Variants in SFMBT2 observed in about 807,000 individuals in gnomAD.
SFMBT2 encodes the protein scm-like with four MBT domains protein 2.
SFMBT2 carries 38 observed loss-of-function variants against 110.1 expected under a neutral mutation model. The ratio of observed to expected loss-of-function variants is 0.35; its 90% CI spans 0.27 to 0.45. The LOEUF (loss-of-function observed/expected upper bound fraction) is 0.45, where lower values mean the gene tolerates loss of function less well. Ranked by LOEUF, SFMBT2 falls within the 20% of genes least tolerant of loss-of-function variation. The probability of loss-of-function intolerance (pLI) is 1.00; values close to 1 mark genes in which losing one functional copy is unlikely to be tolerated. For missense variants in SFMBT2, 1,011 were observed against 1,094.9 expected, an observed-to-expected ratio of 0.92 and a Z score of 1.08; for synonymous variants, 425 against 425.4, an observed-to-expected ratio of 1.00 and a Z score of 0.01.
rs1267237189 is a variant in SFMBT2 at position 7,172,499 on chromosome 10, C to T, written c.2147G>A (p.Gly716Glu). The stretch of plus-strand genomic sequence containing the variant: ...GGTGCCCCGGGCAGAACATACCTCC[C>T]CCGAGCCCGCGGTGAAGTCCACGGC... ...SSAVDFTAGS[G>E]EESEEEDADA... is the part of the protein sequence containing the mutation. Residue 716 changes from glycine (G) to glutamate (E), a missense_variant, in exon 18 of 21, where the codon GGG (glycine) becomes GAG (glutamate). Physicochemically the swap from Gly to Glu is moderately conservative, Grantham distance 98. Around this residue, in one of 2 missense-constraint regions of SFMBT2, gnomAD observed 979 missense variants for 1,016.1 expected, o/e 0.96. Transcript: ENST00000397167. The surrounding 1 kb of genome is among the most constrained non-coding windows in gnomAD (Gnocchi z 4.6). 2 of 1,613,920 alleles carry T rather than the reference C, an allele frequency of 1.2e-6. No individual in the cohort carries two copies. Among genetic ancestry groups the T allele is most frequent in the Non-Finnish European group, 1.7e-6 (2 of 1,180,040 alleles).
At chr10:7,205,597 T>C in intron 12 of SFMBT2, 1 of 985,452 alleles carries the variant, frequency 1.0e-6, no homozygotes, top group Non-Finnish European at 1.2e-6. Flanking sequence ...TCTCTGTGAC[T>C]TTCAACTGTC....
chr10:7,312,365 G>A (rs533387210), intron 4 of SFMBT2, among the ~76,000 whole-genome samples: 1 of 152,166 alleles, frequency 6.6e-6, no homozygotes, highest in Non-Finnish European at 1.5e-5. Context: ...TGAACAGCAC[G>A]AGCACGTGAT....
Position 7,293,196 on chromosome 10 carries a change from C to A in SFMBT2, c.437-7242G>T, listed in dbSNP as rs1246068494. Reference sequence around the variant, plus strand: ...CCCAAGCAGCTGGGATTACAGGCACCCACCACCATCTCCAGCCTCAGCTTC... The same window carrying A: ...CCCAAGCAGCTGGGATTACAGGCACACACCACCATCTCCAGCCTCAGCTTC... On this transcript the variant is annotated intron_variant, in intron 4 of 20. Coordinates refer to ENST00000397167, the MANE Select transcript of SFMBT2 (RefSeq NM_001387889.1). The surrounding 1 kb of genome is among the most constrained non-coding windows in gnomAD (Gnocchi z 4.6). Among the ~76,000 whole-genome samples, 1 of 151,888 alleles carries A rather than the reference C, an allele frequency of 6.6e-6. No individual in the cohort carries two copies. Among genetic ancestry groups the A allele is most frequent in the Admixed American group, 6.6e-5 (1 of 15,262 alleles).
chr10:7,185,064 C>T (rs1838354339), intron 16 of SFMBT2, among the ~76,000 whole-genome samples: 1 of 152,122 alleles, frequency 6.6e-6, no homozygotes, highest in African/African-American at 2.4e-5. Context: ...TTCCTTCTTG[C>T]CTTTAAGTAA....
chr10:7,168,383 A>AC (rs1460162252), intron 20 of SFMBT2, among the ~76,000 whole-genome samples: 2 of 152,016 alleles, frequency 1.3e-5, no homozygotes, highest in Non-Finnish European at 2.9e-5. Flanking sequence ...GCCTAACTAA[A>AC]TTTTTTTTTA....
intron 4 of SFMBT2, among the ~76,000 whole-genome samples, chr10:7,351,868 T>C (rs1306314932): frequency 7.1e-6 from 1 of 141,430 alleles, no homozygotes; most frequent in East Asian, 1.9e-4. Flanking sequence ...GCCTCTTACC[T>C]GTAAAAAAAA....
intron 1 of SFMBT2, among the ~76,000 whole-genome samples, chr10:7,404,430 T>C (rs909055138): frequency 4.6e-5 from 7 of 152,226 alleles, no homozygotes; most frequent in African/African-American, 1.7e-4. Flanking sequence ...TAAGACATCT[T>C]TTTCTTGGCC....
chr10:7,266,923 G>A (rs902858662), intron 7 of SFMBT2, among the ~76,000 whole-genome samples: 2 of 152,070 alleles, frequency 1.3e-5, no homozygotes, highest in Non-Finnish European at 2.9e-5. Context: ...TCGCCTGCAA[G>A]GGGGGGTCTG....
chr10:7,227,747 T>G, intron 10 of SFMBT2, 108 bp downstream of exon 10: 1 of 876,980 alleles, frequency 1.1e-6, no homozygotes, highest in East Asian at 2.5e-5. Flanking sequence ...AGTTCTCCAG[T>G]GCACTGTAAT....
rs921386466 is a variant in SFMBT2, at chr10:7,361,011, T to C, written c.436+6638A>G. ...CATTTTTTAATAAAATATCTAACTA[T>C]GACTTTTGGTTTATTTACAGACATA... is the stretch of plus-strand genomic sequence containing the variant. On this transcript the variant is annotated intron_variant, in intron 4 of 20. Transcript: ENST00000397167. Among the ~76,000 whole-genome samples, 24 of 152,228 alleles carry C rather than the reference T, an allele frequency of 1.6e-4. 1 individual carries two copies. Among genetic ancestry groups the C allele is most frequent in the African/African-American group, 4.8e-5 (2 of 41,464 alleles).
At chr10:7,183,651 C>G (rs1201880934) in intron 16 of SFMBT2, among the ~76,000 whole-genome samples, 1 of 152,146 alleles carries the variant, frequency 6.6e-6, no homozygotes, top group Non-Finnish European at 1.5e-5. Context: ...AGTAAAGCTG[C>G]CATAAATCTC....
intron 7 of SFMBT2, among the ~76,000 whole-genome samples, chr10:7,261,283 AC>A (rs1410913721): frequency 6.6e-6 from 1 of 152,186 alleles, no homozygotes; most frequent in African/African-American, 2.4e-5. Flanking sequence ...TTTCCTTCGT[AC>A]CTTTTTATGC....
At chr10:7,366,783 A>T (rs146982015) in intron 4 of SFMBT2, among the ~76,000 whole-genome samples, 1 of 152,330 alleles carries the variant, frequency 6.6e-6, no homozygotes, top group African/African-American at 2.4e-5. Context: ...TCTCCCCCTC[A>T]GCACTGCTGG....
At chr10:7,326,431 G>A (rs909334751) in intron 4 of SFMBT2, among the ~76,000 whole-genome samples, 5 of 152,052 alleles carry the variant, frequency 3.3e-5, no homozygotes, top group Admixed American at 6.6e-5. Context: ...TAACTCCCCC[G>A]CACATTCCCC....
chr10:7,204,403 C>T, intron 12 of SFMBT2: 1 of 985,382 alleles, frequency 1.0e-6, no homozygotes, highest in Non-Finnish European at 1.2e-6. Flanking sequence ...GCCTAAATTC[C>T]ATCAAGAAAA....
intron 1 of SFMBT2, among the ~76,000 whole-genome samples, chr10:7,404,546 G>C (rs867166128): frequency 6.6e-6 from 1 of 152,164 alleles, no homozygotes; most frequent in Non-Finnish European, 1.5e-5. Context: ...AACATTATTT[G>C]TCCTACTTTG....
At chr10:7,375,752 CA>C (rs1351375062) in intron 2 of SFMBT2, among the ~76,000 whole-genome samples, 3 of 8,238 alleles carry the variant, frequency 3.6e-4, no homozygotes, top group East Asian at 1.7e-3. Flanking sequence ...AAGAAAAAAC[CA>C]CACACACACA....
Position 7,215,730 on chromosome 10 carries a change from A to C in SFMBT2, c.1330+4681T>G, listed in dbSNP as rs1839514655. The C allele has an allele frequency of 3.0e-6, 3 of 985,310 alleles. No homozygotes were observed. The Admixed American group carries it at 1.8e-4, about 61-fold the overall frequency. The allele number at this position is 985,310 out of a possible 1,614,324, so 61.0% of individuals were successfully genotyped here. On this transcript the variant is annotated intron_variant, in intron 11 of 20. Transcript: ENST00000397167. ...CCGATGAATTTAAGCCCACTGACTC[A>C]ACTTCATAGACATCAGGGCCTGACC... is the stretch of plus-strand genomic sequence containing the variant.
chr10:7,348,484 A>G (rs1014522830), intron 4 of SFMBT2, among the ~76,000 whole-genome samples: 3 of 152,210 alleles, frequency 2.0e-5, no homozygotes, highest in African/African-American at 7.2e-5. Flanking sequence ...TCTACTTAAC[A>G]GCTCTGTTAG....
Sources: allele counts gnomAD v4.1 joint callset (sites outside exome capture counted in the v4.1 genomes callset), GRCh38; gene constraint gnomAD v4.1.1; regional missense constraint gnomAD v4.1.1; non-coding constraint Gnocchi (gnomAD v3.1); transcripts MANE v1.5; gene names NCBI Gene and HGNC (gene_info 2026-07-23, HGNC 2026-07-21).